Variants in ZMAT4 observed in about 807,000 individuals in gnomAD.
ZMAT4 encodes the protein zinc finger matrin-type 4.
In ZMAT4, 17 loss-of-function variants were observed where a neutral mutation model predicts 28.7. The ratio of observed to expected loss-of-function variants is 0.59; its 90% confidence interval spans 0.41 to 0.89. The LOEUF is 0.89. Ranked by LOEUF, ZMAT4 falls within the 40% of genes least tolerant of loss-of-function variation. ZMAT4 has a pLI of 0.00. For synonymous variants in ZMAT4, 117 were observed against 109.2 expected, an observed-to-expected ratio of 1.07 and a Z score of -0.44; for missense variants, 240 against 283.8, an observed-to-expected ratio of 0.85 and a Z score of 1.11.
chr8:40,720,523 CTTTTTTTT>C (rs1307193398), intron 3 of ZMAT4, among the ~76,000 whole-genome samples: 1 of 113,112 alleles, frequency 8.8e-6, no homozygotes, highest in Non-Finnish European at 1.8e-5. Context: ...TGGGTAGAAT[CTTTTTTTT>C]TTTTTTTTTT....
intron 3 of ZMAT4, among the ~76,000 whole-genome samples, chr8:40,740,092 C>T (rs1811937068): frequency 6.6e-6 from 1 of 152,136 alleles, no homozygotes; most frequent in Non-Finnish European, 1.5e-5. Flanking sequence ...GTAAATAGTG[C>T]TGCAATAAAC....
At chr8:40,636,594 C>T (rs2118745541) in intron 5 of ZMAT4, among the ~76,000 whole-genome samples, 1 of 152,274 alleles carries the variant, frequency 6.6e-6, no homozygotes, top group East Asian at 1.9e-4. Context: ...CTGCTAGAGC[C>T]TCAGGGGCTA....
chr8:40,861,754 G>A (rs1817501513), intron 1 of ZMAT4, among the ~76,000 whole-genome samples: 1 of 152,194 alleles, frequency 6.6e-6, no homozygotes, highest in East Asian at 1.9e-4. Flanking sequence ...CAACAAGTGG[G>A]CAAAGGATAT....
chr8:40,694,290 C>T (rs555849844), intron 4 of ZMAT4, among the ~76,000 whole-genome samples: 1 of 152,246 alleles, frequency 6.6e-6, no homozygotes, highest in Admixed American at 6.5e-5. Context: ...GTTTTCTTTT[C>T]CAGTGCCTCC....
intron 1 of ZMAT4, among the ~76,000 whole-genome samples, chr8:40,863,570 A>C (rs2150647009): frequency 6.6e-6 from 1 of 152,334 alleles, no homozygotes; most frequent in Non-Finnish European, 1.5e-5. Flanking sequence ...TGATGGGTTC[A>C]GTTCACAACC....
rs59511960 is a variant in ZMAT4 at position 40,799,632 on chromosome 8, G to T, written c.102+25943C>A. Among the ~76,000 whole-genome samples the T allele has an allele frequency of 9.2e-3, 1,399 of 152,238 alleles. 22 individuals are homozygous for T. The highest frequency in any genetic ancestry group is 0.032 in the African/African-American group (1,346 of 41,538). On this transcript the variant is annotated intron_variant, in intron 2 of 6. Coordinates refer to ENST00000297737, the MANE Select transcript of ZMAT4 (RefSeq NM_024645.3). ...TAAAAAAGGTCAGAAACTCAGATCT[G>T]CATAAAGTCAGGAAGAGCATGGTTG...
At chr8:40,554,066 T>A (rs980222801) in intron 6 of ZMAT4, among the ~76,000 whole-genome samples, 4 of 152,144 alleles carry the variant, frequency 2.6e-5, no homozygotes, top group Admixed American at 6.6e-5. Flanking sequence ...TCATATCATA[T>A]CATAGCATAT....
intron 3 of ZMAT4, among the ~76,000 whole-genome samples, chr8:40,761,229 T>C (rs1438168952): frequency 1.3e-5 from 2 of 152,224 alleles, no homozygotes; most frequent in African/African-American, 4.8e-5. Context: ...CAAGTTTTAA[T>C]GTTATAACTG....
chr8:40,564,127 A>G, intron 6 of ZMAT4, among the ~76,000 whole-genome samples: 1 of 152,204 alleles, frequency 6.6e-6, no homozygotes, highest in East Asian at 1.9e-4. Flanking sequence ...AATGAGGTCA[A>G]GTAGTTCCAG....
intron 1 of ZMAT4, among the ~76,000 whole-genome samples, chr8:40,892,481 G>A (rs970151540): frequency 2.0e-5 from 3 of 152,218 alleles, no homozygotes; most frequent in Non-Finnish European, 2.9e-5. Flanking sequence ...CATGGTGTTA[G>A]TAACAGGCAC....
chr8:40,820,718 C>G (rs62651859), intron 2 of ZMAT4, among the ~76,000 whole-genome samples: 1 of 101,228 alleles, frequency 9.9e-6, no homozygotes. Flanking sequence ...TGTATGGGTA[C>G]GTGTGTATGT....
At chr8:40,669,782 T>G (rs1808592295) in intron 5 of ZMAT4, among the ~76,000 whole-genome samples, 1 of 152,218 alleles carries the variant, frequency 6.6e-6, no homozygotes, top group Non-Finnish European at 1.5e-5. Context: ...TTCAACCGTG[T>G]AGGGGGTTGG....
At chr8:40,777,984 C>A (rs1813674032) in intron 2 of ZMAT4, among the ~76,000 whole-genome samples, 1 of 152,272 alleles carries the variant, frequency 6.6e-6, no homozygotes, top group Non-Finnish European at 1.5e-5. Flanking sequence ...TGATCCAACC[C>A]CACAACACAC....
intron 5 of ZMAT4, among the ~76,000 whole-genome samples, chr8:40,589,951 T>TC (rs1554524046): frequency 1.8e-5 from 1 of 56,920 alleles, no homozygotes; most frequent in Non-Finnish European, 3.6e-5. Context: ...CTTCCTTCCT[T>TC]CTTCCCTCCT....
intron 5 of ZMAT4, among the ~76,000 whole-genome samples, chr8:40,601,434 A>AAGGG (rs1563359772): frequency 8.2e-6 from 1 of 122,578 alleles, no homozygotes; most frequent in Non-Finnish European, 1.7e-5. Flanking sequence ...GGAAGGAAGG[A>AAGGG]AGGAAGGAAG....
chr8:40,850,713 G>A (rs1437969649), intron 1 of ZMAT4, among the ~76,000 whole-genome samples: 1 of 152,020 alleles, frequency 6.6e-6, no homozygotes, highest in Non-Finnish European at 1.5e-5. Flanking sequence ...AGATCACGTG[G>A]GGTGGGATTA....
At position 40,756,455 on chromosome 8, in the gene ZMAT4, T is replaced by C. The variant is rs867034145; in HGVS notation, c.192+11186A>G. Among the ~76,000 whole-genome samples the C allele has an allele frequency of 1.5e-3, 190 of 122,638 alleles. 8 individuals carry two copies. In the East Asian group the frequency reaches 0.026, roughly 17 times the overall value. 80.5% of individuals were successfully genotyped at this position (122,638 alleles called of 152,430 possible). A position where few individuals can be genotyped will look rare whatever the true frequency, so the allele number is the denominator to read the frequency against. ...ATATATATATATATATATATATATA[T>C]ATACACACTTGTATACCTGAAAAAG... On this transcript the variant is annotated intron_variant, in intron 3 of 6. Coordinates refer to ENST00000297737, the MANE Select transcript of ZMAT4 (RefSeq NM_024645.3).
chr8:40,565,943 A>G (rs878997532), intron 6 of ZMAT4, among the ~76,000 whole-genome samples: 5 of 151,984 alleles, frequency 3.3e-5, no homozygotes, highest in Admixed American at 2.0e-4. Context: ...TGTGATTTCA[A>G]TGAGTTCAAG....
At chr8:40,753,261 C>T (rs994097066) in intron 3 of ZMAT4, among the ~76,000 whole-genome samples, 1 of 152,140 alleles carries the variant, frequency 6.6e-6, no homozygotes, top group African/African-American at 2.4e-5. Context: ...CTTCTTACTC[C>T]TTCCAAAGAC....
Sources: gnomAD v4.1 joint callset for allele counts (sites outside exome capture counted in the v4.1 genomes callset) on GRCh38, gnomAD v4.1.1 for gene constraint, MANE v1.5 for transcripts, NCBI Gene and HGNC (gene_info 2026-07-23, HGNC 2026-07-21) for gene names.